PYM1: variants seen among roughly 807,000 people sequenced by gnomAD.
The protein encoded by PYM1 is PYM1 exon junction complex associated factor, also known as partner of Y14 and mago.
A neutral mutation model predicts 20.7 loss-of-function variants in PYM1; 7 were observed. That is an observed-to-expected ratio of 0.34 (90% confidence interval 0.19 to 0.64). PYM1 has a LOEUF of 0.64. Ranked by LOEUF, PYM1 falls within the 30% of genes least tolerant of loss-of-function variation. The pLI is 0.74. For synonymous variants in PYM1, 100 were observed against 99.2 expected (o/e 1.01, Z -0.05); for missense variants, 194 against 250.0 (o/e 0.78, Z 1.51).
At chr12:55,916,722 C>T (rs975831392) in intron 1 of PYM1, among the ~76,000 whole-genome samples, 5 of 152,046 alleles carry the variant, frequency 3.3e-5, no homozygotes, top group Admixed American at 1.3e-4. Context: ...CACTTGAACC[C>T]GGGAGGTGGA....
At chr12:55,907,129 G>A (rs908479413) in intron 1 of PYM1, among the ~76,000 whole-genome samples, 4 of 150,222 alleles carry the variant, frequency 2.7e-5, no homozygotes, top group African/African-American at 9.8e-5. Flanking sequence ...TTTTGTTGTA[G>A]CTCTCTTATT....
rs759078144 is a variant in PYM1 at position 55,902,323 on chromosome 12, C to T, written c.164G>A (p.Ser55Asn). 6.2e-7 allele frequency: 1 copy of T among 1,612,230 alleles called. No homozygotes were observed. The highest frequency in any genetic ancestry group is 1.7e-5 in the Admixed American group (1 of 59,526). The change falls in exon 3 of 3, where the codon AGT becomes AAT. Residue 55 changes from serine (S) to asparagine (N), a missense_variant. Ser to Asn is a conservative substitution (Grantham distance 46). Around this residue, in one of 3 missense-constraint regions of PYM1, gnomAD observed 158 missense variants for 179.0 expected, o/e 0.88. Coordinates refer to ENST00000408946, the MANE Select transcript of PYM1 (RefSeq NM_032345.3). ...YENKYVKFFK[S>N]KPELPPGLSP... is the part of the protein sequence containing the mutation. Reference sequence around the variant, plus strand: ...TAGCCCTGGGGGCAACTCTGGTTTACTCTTGAAAAACTTCACATACTTGTT... The same window carrying T: ...TAGCCCTGGGGGCAACTCTGGTTTATTCTTGAAAAACTTCACATACTTGTT...
intron 1 of PYM1, among the ~76,000 whole-genome samples, chr12:55,923,060 A>G (rs1289890991): frequency 6.6e-6 from 1 of 151,980 alleles, no homozygotes; most frequent in East Asian, 1.9e-4. Context: ...ACCCATCTCT[A>G]CTAAAAATAC....
intron 1 of PYM1, 125 bp from the exon 2 acceptor site, chr12:55,903,605 T>A (rs1235231390): frequency 1.2e-6 from 1 of 817,660 alleles, no homozygotes; most frequent in Non-Finnish European, 1.9e-6. Context: ...ACCATTAGGC[T>A]CCTTTTCTCA....
intron 1 of PYM1, among the ~76,000 whole-genome samples, chr12:55,922,600 G>A (rs1883117726): frequency 6.6e-6 from 1 of 151,892 alleles, no homozygotes; most frequent in Non-Finnish European, 1.5e-5. Flanking sequence ...CTGGGCAACA[G>A]AGGGAAGACC....
chr12:55,922,665 C>A (rs1387943702), intron 1 of PYM1, among the ~76,000 whole-genome samples: 1 of 151,920 alleles, frequency 6.6e-6, no homozygotes, highest in East Asian at 1.9e-4. Flanking sequence ...ATACTATGTA[C>A]CCTGATACAA....
intron 1 of PYM1, among the ~76,000 whole-genome samples, chr12:55,907,567 G>A: frequency 6.6e-6 from 1 of 150,974 alleles, no homozygotes; most frequent in East Asian, 1.9e-4. Flanking sequence ...CAGGGGGTTG[G>A]AGGTTGCAGT....
intron 1 of PYM1, among the ~76,000 whole-genome samples, chr12:55,911,400 C>G (rs1882920254): frequency 1.3e-5 from 2 of 152,072 alleles, no homozygotes; most frequent in Admixed American, 1.3e-4. Flanking sequence ...GTGTGAGTGA[C>G]TGAGCCCGGC....
chr12:55,908,335 A>G (rs117275854), intron 1 of PYM1, among the ~76,000 whole-genome samples: 5 of 152,116 alleles, frequency 3.3e-5, no homozygotes, highest in East Asian at 1.9e-4. Flanking sequence ...ACGCAGAGGC[A>G]TAAGAATTGC....
At chr12:55,926,087 A>G (rs1221391197) in intron 1 of PYM1, among the ~76,000 whole-genome samples, 1 of 152,252 alleles carries the variant, frequency 6.6e-6, no homozygotes, top group Non-Finnish European at 1.5e-5. Flanking sequence ...ACCAAGGCAC[A>G]GGCACACTGT....
Position 55,912,969 on chromosome 12 carries a change from GA to G in PYM1, c.38-9490del, listed in dbSNP as rs373653420. Among the ~76,000 whole-genome samples the G allele has an allele frequency of 2.4e-3, 330 of 138,874 alleles. 1 individual carries two copies. Among genetic ancestry groups the G allele is most frequent in the African/African-American group, 7.4e-3 (279 of 37,884 alleles). The allele number at this position is 138,874 out of a possible 152,430, so 91.1% of individuals were successfully genotyped here. ...ACAAGAGCAAAACTCCGTCTCAAAA[GA>G]AAAAAAAAAAATAGAAACTAAAATA... is the stretch of plus-strand genomic sequence containing the variant. On this transcript the variant is annotated intron_variant, in intron 1 of 2. Transcript: ENST00000408946.
At chr12:55,927,569 G>A (rs1883218259) in intron 1 of PYM1, 156 bp downstream of exon 1, 2 of 956,116 alleles carry the variant, frequency 2.1e-6, no homozygotes, top group South Asian at 1.6e-5. Flanking sequence ...ACGCACTGGG[G>A]CGCACAAGTG....
intron 1 of PYM1, 33 bp downstream of exon 1, chr12:55,927,676 AGACCCGCGGGAGGGGC>A: frequency 6.5e-7 from 1 of 1,536,596 alleles, no homozygotes; most frequent in Non-Finnish European, 8.7e-7. Context: ...CAACCACCAG[AGACCCGCGGGAGGGGC>A]GTGCAAGGCG....
Position 55,901,724 on chromosome 12 carries a change from T to C in PYM1, c.*148A>G. Reference sequence around the variant, plus strand: ...AAAAGGGAAGGATTGAGGGAGACGCTAGGCTCTGGAGGACAGAGCTGGGCC... The same window carrying C: ...AAAAGGGAAGGATTGAGGGAGACGCCAGGCTCTGGAGGACAGAGCTGGGCC... On this transcript the variant is annotated 3_prime_UTR_variant, in exon 3 of 3. Coordinates refer to ENST00000408946, the MANE Select transcript of PYM1 (RefSeq NM_032345.3). 8.7e-7 allele frequency: 1 copy of C among 1,145,968 alleles called. No individual in the cohort carries two copies. Among genetic ancestry groups the C allele is most frequent in the Non-Finnish European group, 1.2e-6 (1 of 814,900 alleles). 71.0% of individuals were successfully genotyped at this position (1,145,968 alleles called of 1,614,324 possible). A position where few individuals can be genotyped will look rare whatever the true frequency, so the allele number is the denominator to read the frequency against.
chr12:55,909,062 T>C (rs185636419), intron 1 of PYM1, among the ~76,000 whole-genome samples: 4 of 152,026 alleles, frequency 2.6e-5, no homozygotes, highest in East Asian at 1.9e-4. Context: ...GGAAGCCTGG[T>C]TGGAAATGAA....
chr12:55,915,708 AAGT>A (rs1882994639), intron 1 of PYM1, among the ~76,000 whole-genome samples: 1 of 152,204 alleles, frequency 6.6e-6, no homozygotes. Context: ...CATAAGACAA[AAGT>A]AAGAGTGTCG....
chr12:55,922,926 A>C (rs1400483332), intron 1 of PYM1, among the ~76,000 whole-genome samples: 2 of 152,180 alleles, frequency 1.3e-5, no homozygotes, highest in Non-Finnish European at 2.9e-5. Flanking sequence ...GGAACAACAA[A>C]AAAAAATTAG....
intron 1 of PYM1, chr12:55,927,419 A>T (rs1378228171): frequency 1.4e-6 from 1 of 708,678 alleles, no homozygotes; most frequent in South Asian, 1.5e-5. Flanking sequence ...TACGTCCAGG[A>T]CCTGCGAGGG....
chr12:55,915,916 G>A (rs1368879612), intron 1 of PYM1, among the ~76,000 whole-genome samples: 1 of 152,210 alleles, frequency 6.6e-6, no homozygotes. Flanking sequence ...AGAATGATTA[G>A]TAAAGAGTAT....
Sources: gnomAD v4.1 joint callset for allele counts (sites outside exome capture counted in the v4.1 genomes callset) on GRCh38, gnomAD v4.1.1 for gene constraint, gnomAD v4.1.1 regional missense constraint, MANE v1.5 for transcripts, NCBI Gene and HGNC (gene_info 2026-07-23, HGNC 2026-07-21) for gene names.